Variants in NFIA observed in about 807,000 individuals in gnomAD.
The protein encoded by NFIA is nuclear factor I A, also known as nuclear factor 1 A-type.
NFIA carries 8 observed loss-of-function variants against 62.8 expected under a neutral mutation model. The ratio of observed to expected loss-of-function variants is 0.13; its 90% confidence interval spans 0.07 to 0.23. The LOEUF is 0.23. Among genes scored for constraint, NFIA ranks in the 10% least tolerant of loss-of-function variants. The pLI is 1.00. For synonymous variants in NFIA, 235 were observed against 238.1 expected, an observed-to-expected ratio of 0.99 and a Z score of 0.12; for missense variants, 410 against 642.1, an observed-to-expected ratio of 0.64 and a Z score of 3.91.
intron 2 of NFIA, among the ~76,000 whole-genome samples, chr1:61,235,821 AAAAAAG>A (rs869219255): frequency 3.7e-4 from 56 of 152,002 alleles, no homozygotes; most frequent in South Asian, 1.7e-3. Context: ...TCAAAAAAAA[AAAAAAG>A]AAAAAGAAAA....
At chr1:61,310,135 C>T (rs1660019677) in intron 3 of NFIA, among the ~76,000 whole-genome samples, 1 of 151,974 alleles carries the variant, frequency 6.6e-6, no homozygotes, top group Non-Finnish European at 1.5e-5. Flanking sequence ...AAATGTTAAT[C>T]AATTCAATGT....
intron 2 of NFIA, among the ~76,000 whole-genome samples, chr1:61,167,424 C>G (rs1212419562): frequency 6.6e-6 from 1 of 152,094 alleles, no homozygotes; most frequent in Non-Finnish European, 1.5e-5. Context: ...TATCTTGATG[C>G]TTGGTTATTC....
intron 3 of NFIA, among the ~76,000 whole-genome samples, chr1:61,306,033 T>G (rs138850219): frequency 0.063 from 9,545 of 150,786 alleles, 346 homozygotes; most frequent in South Asian, 0.12. Flanking sequence ...GTATTTTTTA[T>G]TAGAGACAGA....
chr1:61,294,282 G>A (rs1050022707), intron 3 of NFIA, among the ~76,000 whole-genome samples: 3 of 152,060 alleles, frequency 2.0e-5, no homozygotes, highest in Non-Finnish European at 4.4e-5. Context: ...CTGCTGTATG[G>A]CAGATACTGC....
intron 3 of NFIA, among the ~76,000 whole-genome samples, chr1:61,312,656 T>A (rs546487808): frequency 1.3e-5 from 2 of 152,202 alleles, no homozygotes; most frequent in South Asian, 4.2e-4. Context: ...CATGCCACCA[T>A]GCCTAGCTAA....
chr1:61,192,440 G>C (rs1651700181), intron 2 of NFIA, among the ~76,000 whole-genome samples: 1 of 152,150 alleles, frequency 6.6e-6, no homozygotes, highest in Non-Finnish European at 1.5e-5. Flanking sequence ...AGTGGCTCAT[G>C]CCTGTAATCA....
At chr1:61,311,729 AAAATTTCT>A (rs1660127241) in intron 3 of NFIA, among the ~76,000 whole-genome samples, 1 of 152,348 alleles carries the variant, frequency 6.6e-6, no homozygotes, top group Admixed American at 6.5e-5. Flanking sequence ...TTTAATAAAC[AAAATTTCT>A]ATATGTTGTG....
At chr1:61,344,925 C>T (rs893583422) in intron 4 of NFIA, among the ~76,000 whole-genome samples, 1 of 152,168 alleles carries the variant, frequency 6.6e-6, no homozygotes, top group African/African-American at 2.4e-5. Flanking sequence ...GTTCAATAAC[C>T]ACAACCTTAT....
chr1:61,093,227 AAACTTTTTCAGT>A (rs1245646809), intron 2 of NFIA, among the ~76,000 whole-genome samples: 2 of 152,168 alleles, frequency 1.3e-5, no homozygotes, highest in Non-Finnish European at 2.9e-5. Context: ...TTTTGTAATT[AAACTTTTTCAGT>A]AACTTAATAA....
rs113913435 is a variant in NFIA at position 61,082,672 on chromosome 1, TTCTCTCTCTC to T, written c.-104_-95del. 14 of 1,446,890 alleles carry T rather than the reference TTCTCTCTCTC, an allele frequency of 9.7e-6. No individual in the cohort carries two copies. Among genetic ancestry groups the T allele is most frequent in the South Asian group, 3.9e-5 (3 of 76,314 alleles). 89.6% of individuals were successfully genotyped at this position (1,446,890 alleles called of 1,614,324 possible). Reference sequence around the variant, plus strand: ...AGGCTTGATTTTTTTTTCTCCCCCCTTCTCTCTCTCTCTCTCTCTCTCTCTTCCTCTCTCC... The same window carrying T: ...AGGCTTGATTTTTTTTTCTCCCCCCTTCTCTCTCTCTCTCTTCCTCTCTCC... On this transcript the variant is annotated 5_prime_UTR_variant, in exon 1 of 11. Transcript: ENST00000403491.
At chr1:61,233,212 A>G (rs1039792795) in intron 2 of NFIA, among the ~76,000 whole-genome samples, 1 of 152,238 alleles carries the variant, frequency 6.6e-6, no homozygotes, top group African/African-American at 2.4e-5. Flanking sequence ...AAAAAATCTT[A>G]TACAGAAATT....
intron 2 of NFIA, among the ~76,000 whole-genome samples, chr1:61,269,881 A>G (rs1041949523): frequency 6.6e-6 from 1 of 152,198 alleles, no homozygotes; most frequent in African/African-American, 2.4e-5. Context: ...TGGGAAATTC[A>G]TTTGCATACA....
At chr1:61,251,334 C>T (rs564007317) in intron 2 of NFIA, 1 of 152,242 alleles carries the variant, frequency 6.6e-6, no homozygotes, top group Admixed American at 6.5e-5. Context: ...GTTTTGAGTT[C>T]CAGCTTTTTC....
At chr1:61,100,833 T>C (rs1355075079) in intron 2 of NFIA, among the ~76,000 whole-genome samples, 1 of 152,056 alleles carries the variant, frequency 6.6e-6, no homozygotes, top group Non-Finnish European at 1.5e-5. Context: ...CAGCTTCCAG[T>C]GATCCTCCCA....
At chr1:61,390,549 T>C (rs1664921673) in intron 7 of NFIA, among the ~76,000 whole-genome samples, 1 of 152,204 alleles carries the variant, frequency 6.6e-6, no homozygotes, top group Non-Finnish European at 1.5e-5. Context: ...GGGATCTTGC[T>C]CTCAGTGATG....
At chr1:61,282,272 C>T (rs1658182239) in intron 3 of NFIA, among the ~76,000 whole-genome samples, 1 of 152,024 alleles carries the variant, frequency 6.6e-6, no homozygotes, top group African/African-American at 2.4e-5. Context: ...GAATGCAGTT[C>T]AGACAAAGTT....
At chr1:61,077,454 A>T, upstream of NFIA, 1 of 493,642 alleles carries the variant, frequency 2.0e-6, no homozygotes, top group Non-Finnish European at 3.4e-6. Flanking sequence ...GTTAAAAAAA[A>T]AATTCTCCAA....
chr1:61,176,726 A>AT (rs780115641), intron 2 of NFIA, among the ~76,000 whole-genome samples: 26 of 151,882 alleles, frequency 1.7e-4, no homozygotes, highest in Middle Eastern at 3.4e-3. Flanking sequence ...TTCTTTAAAA[A>AT]TTTTTTTTTC....
rs180843583 is a variant in NFIA, at chr1:61,182,721, A to G, written c.559+94041A>G. ...TTACTTAAAATAAGTTCTTCTCTTC[A>G]TATTCCCCGAAGTTTTTGTCCAGTT... On this transcript the variant is annotated intron_variant, in intron 2 of 10. Transcript: ENST00000403491. Among the ~76,000 whole-genome samples, 151 of 152,318 alleles carry G rather than the reference A, an allele frequency of 9.9e-4. 1 individual carries two copies. Among genetic ancestry groups the G allele is most frequent in the Non-Finnish European group, 1.3e-3 (88 of 68,012 alleles).
Sources: gnomAD v4.1 joint callset for allele counts (sites outside exome capture counted in the v4.1 genomes callset) on GRCh38, gnomAD v4.1.1 for gene constraint, MANE v1.5 for transcripts, NCBI Gene and HGNC (gene_info 2026-07-23, HGNC 2026-07-21) for gene names.